The following ST6GALNAC3 variants were observed in gnomAD, a reference collection of about 807,000 sequenced individuals.
ST6GALNAC3 encodes alpha-N-acetylgalactosaminide alpha-2,6-sialyltransferase 3.
Under a neutral mutation model 32.7 loss-of-function variants are expected in ST6GALNAC3, and 25 were observed. The ratio of observed to expected loss-of-function variants is 0.76; its 90% confidence interval spans 0.56 to 1.07. The LOEUF (loss-of-function observed/expected upper bound fraction) is 1.07, where lower values mean the gene tolerates loss of function less well. Ranked by LOEUF, ST6GALNAC3 falls within the 50% of genes least tolerant of loss-of-function variation. The pLI is 0.00. For missense variants in ST6GALNAC3, 355 were observed against 382.4 expected (o/e 0.93, Z 0.60); for synonymous variants, 129 against 133.1 (o/e 0.97, Z 0.21).
At chr1:76,133,315 C>T (rs911223692) in intron 1 of ST6GALNAC3, among the ~76,000 whole-genome samples, 1 of 152,226 alleles carries the variant, frequency 6.6e-6, no homozygotes, top group African/African-American at 2.4e-5. Context: ...TCTCATCTGC[C>T]TGTGGCTGCA....
intron 1 of ST6GALNAC3, among the ~76,000 whole-genome samples, chr1:76,085,390 A>T (rs1266746500): frequency 6.6e-6 from 1 of 152,180 alleles, no homozygotes; most frequent in Non-Finnish European, 1.5e-5. Flanking sequence ...TGGTTCTTTC[A>T]TGTCTGGCCA....
intron 3 of ST6GALNAC3, among the ~76,000 whole-genome samples, chr1:76,598,241 GA>G (rs1647169124): frequency 6.6e-6 from 1 of 152,046 alleles, no homozygotes; most frequent in African/African-American, 2.4e-5. Context: ...ACACCATCAC[GA>G]CAACATATGA....
At chr1:76,485,783 T>C (rs1660068861) in intron 3 of ST6GALNAC3, among the ~76,000 whole-genome samples, 1 of 152,222 alleles carries the variant, frequency 6.6e-6, no homozygotes, top group Non-Finnish European at 1.5e-5. Flanking sequence ...ATGTGTTTGC[T>C]CTAGCTTCTG....
At chr1:76,338,863 C>T (rs1257194703) in intron 2 of ST6GALNAC3, among the ~76,000 whole-genome samples, 1 of 152,148 alleles carries the variant, frequency 6.6e-6, no homozygotes, top group East Asian at 1.9e-4. Flanking sequence ...GTGTGGGCAT[C>T]ACATCTGGTT....
intron 1 of ST6GALNAC3, among the ~76,000 whole-genome samples, chr1:76,200,459 C>G (rs989319647): frequency 6.6e-6 from 1 of 152,224 alleles, no homozygotes; most frequent in African/African-American, 2.4e-5. Context: ...TTTCAGGGGT[C>G]TTTGAAAAAC....
At chr1:76,620,799 A>G (rs974774097) in intron 3 of ST6GALNAC3, among the ~76,000 whole-genome samples, 1 of 152,046 alleles carries the variant, frequency 6.6e-6, no homozygotes, top group Admixed American at 6.6e-5. Context: ...GCATCCACCC[A>G]TATTGAGTGG....
chr1:76,522,490 A>T (rs1662607814), intron 3 of ST6GALNAC3, among the ~76,000 whole-genome samples: 2 of 150,666 alleles, frequency 1.3e-5, no homozygotes, highest in South Asian at 4.2e-4. Flanking sequence ...CTGTGTTTCC[A>T]CTTGGGTCTT....
At chr1:76,198,403 T>C (rs1322271924) in intron 1 of ST6GALNAC3, among the ~76,000 whole-genome samples, 2 of 152,200 alleles carry the variant, frequency 1.3e-5, no homozygotes, top group Non-Finnish European at 2.9e-5. Flanking sequence ...CCTAACCAGA[T>C]TTATACCTTT....
chr1:76,618,307 G>A (rs950005954), intron 3 of ST6GALNAC3, among the ~76,000 whole-genome samples: 2 of 152,208 alleles, frequency 1.3e-5, no homozygotes, highest in Admixed American at 6.5e-5. Flanking sequence ...TGGGAGCAGT[G>A]GCCAAGAAAG....
chr1:76,409,937 C>A (rs1190145716), intron 2 of ST6GALNAC3, among the ~76,000 whole-genome samples: 1 of 152,096 alleles, frequency 6.6e-6, no homozygotes, highest in African/African-American at 2.4e-5. Context: ...GCTGTACCTT[C>A]AGAATATTTC....
Position 76,137,028 on chromosome 1 carries a change from G to T in ST6GALNAC3, c.18+62144G>T, listed in dbSNP as rs191583125. ...AATAAGAAAGCCAAAACTCAGATTG[G>T]TTTAGTGATCTGGTCAATATTACAG... is the stretch of plus-strand genomic sequence containing the variant. On this transcript the variant is annotated intron_variant, in intron 1 of 4. Coordinates refer to ENST00000328299, the MANE Select transcript of ST6GALNAC3 (RefSeq NM_152996.4). Among the ~76,000 whole-genome samples the T allele has an allele frequency of 1.5e-3, 221 of 152,290 alleles. 1 individual carries two copies. The Middle Eastern group carries it at 0.017, about 12-fold the overall frequency.
chr1:76,216,221 T>G (rs118049140), intron 1 of ST6GALNAC3, among the ~76,000 whole-genome samples: 70 of 152,224 alleles, frequency 4.6e-4, no homozygotes, highest in East Asian at 3.7e-3. Flanking sequence ...GGACTCCTTG[T>G]CCTTCTTTCT....
chr1:76,140,534 G>C (rs1049886927), intron 1 of ST6GALNAC3, among the ~76,000 whole-genome samples: 1 of 151,870 alleles, frequency 6.6e-6, no homozygotes, highest in Admixed American at 6.6e-5. Flanking sequence ...GTGTTTATCA[G>C]ATTATATTGA....
At chr1:76,164,081 A>C (rs1244583852) in intron 1 of ST6GALNAC3, among the ~76,000 whole-genome samples, 3 of 152,238 alleles carry the variant, frequency 2.0e-5, no homozygotes, top group Non-Finnish European at 4.4e-5. Flanking sequence ...AAAAACCAAC[A>C]GATGAAGAAT....
intron 3 of ST6GALNAC3, among the ~76,000 whole-genome samples, chr1:76,424,283 AG>A (rs1655225122): frequency 6.6e-6 from 1 of 151,886 alleles, no homozygotes; most frequent in African/African-American, 2.4e-5. Flanking sequence ...CTTAATTGGG[AG>A]AGAAGACCCT....
At chr1:76,329,728 C>T (rs1306163788) in intron 2 of ST6GALNAC3, among the ~76,000 whole-genome samples, 1 of 152,130 alleles carries the variant, frequency 6.6e-6, no homozygotes, top group Non-Finnish European at 1.5e-5. Flanking sequence ...TTTGTTGACA[C>T]ATCATTTCAT....
rs1249255169 is a variant in ST6GALNAC3 at position 76,627,466 on chromosome 1, C to T, written c.638C>T (p.Ser213Leu). 1.2e-6 allele frequency: 2 copies of T among 1,611,552 alleles called. No homozygotes were observed. The highest frequency in any genetic ancestry group is 1.7e-6 in the Non-Finnish European group (2 of 1,178,074). ...ATTTCCCTCAGAGTCCAGTCTGGCT[C>T]ATATCTCAGCACAGGGTGGTTTACC... ...ETGKDRVQSGSYLSTGWFTFL... is the reference protein window; with the variant it reads ...ETGKDRVQSGLYLSTGWFTFL... Residue 213 changes from serine (S) to leucine (L), a missense_variant, in exon 4 of 5, where the codon TCA becomes TTA. Physicochemically the swap from Ser to Leu is moderately radical, Grantham distance 145. Coordinates refer to ENST00000328299, the MANE Select transcript of ST6GALNAC3 (RefSeq NM_152996.4).
At chr1:76,234,068 A>T (rs1162349078) in intron 1 of ST6GALNAC3, among the ~76,000 whole-genome samples, 8 of 152,222 alleles carry the variant, frequency 5.3e-5, no homozygotes, top group Non-Finnish European at 1.0e-4. Flanking sequence ...GTCCAAGAAC[A>T]TAAAATTATT....
intron 3 of ST6GALNAC3, among the ~76,000 whole-genome samples, chr1:76,580,800 T>C (rs1021579662): frequency 3.3e-5 from 5 of 152,116 alleles, no homozygotes; most frequent in Admixed American, 3.3e-4. Flanking sequence ...AAGAGAGAGT[T>C]GATATTGCAT....
Sources: gnomAD v4.1 joint callset for allele counts (sites outside exome capture counted in the v4.1 genomes callset) on GRCh38, gnomAD v4.1.1 for gene constraint, MANE v1.5 for transcripts, NCBI Gene and HGNC (gene_info 2026-07-23, HGNC 2026-07-21) for gene names.